The following PDE10A variants were observed in gnomAD, a reference collection of about 807,000 sequenced individuals.
PDE10A encodes phosphodiesterase 10A, also known as cAMP and cAMP-inhibited cGMP 3',5'-cyclic phosphodiesterase 10A.
A neutral mutation model predicts 97.7 loss-of-function variants in PDE10A; 39 were observed. The observed-to-expected ratio is 0.40, with a 90% CI of 0.31 to 0.52. PDE10A has a LOEUF of 0.52. Among genes scored for constraint, PDE10A ranks in the 20% least tolerant of loss-of-function variants. The pLI is 0.56. For synonymous variants in PDE10A, 371 were observed against 376.8 expected, an observed-to-expected ratio of 0.98 and a Z score of 0.18; for missense variants, 731 against 1,047.8, an observed-to-expected ratio of 0.70 and a Z score of 4.17.
chr6:165,328,443 A>C lies in PDE10A; in HGVS notation c.*4582T>G, dbSNP rs1454171989. 6.6e-6 allele frequency: 1 copy of C among 152,222 alleles called. No individual in the cohort carries two copies. The highest frequency in any genetic ancestry group is 1.9e-4 in the East Asian group (1 of 5,186). 9.4% of individuals were successfully genotyped at this position (152,222 alleles called of 1,614,324 possible). On this transcript the variant is annotated 3_prime_UTR_variant, in exon 22 of 22. Coordinates refer to ENST00000539869, the MANE Select transcript of PDE10A (RefSeq NM_001385079.1). ...GAGGAAAACTGAAATATGTAAACTG[A>C]CTTCCCTACTTAGTAAGCCCTGGAT...
intron 1 of PDE10A, chr6:165,987,397 C>G: frequency 3.2e-6 from 1 of 317,094 alleles, no homozygotes; most frequent in Non-Finnish European, 6.2e-6. Flanking sequence ...CACACGTTTT[C>G]TTATTGCCAA....
chr6:165,553,848 AT>A (rs1019536634), intron 1 of PDE10A, among the ~76,000 whole-genome samples: 5 of 152,198 alleles, frequency 3.3e-5, no homozygotes, highest in African/African-American at 1.2e-4. Context: ...GATGAAAAAC[AT>A]TTTTTGATAG....
At chr6:165,855,450 C>G (rs868497093) in intron 1 of PDE10A, among the ~76,000 whole-genome samples, 1 of 151,386 alleles carries the variant, frequency 6.6e-6, no homozygotes, top group Non-Finnish European at 1.5e-5. Context: ...TGAGTCTGCC[C>G]GGCCTGAGAT....
chr6:165,513,248 G>A (rs1781602363), intron 2 of PDE10A, among the ~76,000 whole-genome samples: 2 of 151,944 alleles, frequency 1.3e-5, no homozygotes, highest in East Asian at 1.9e-4. Flanking sequence ...AGTCTTTATA[G>A]TTATTGTTTA....
intron 1 of PDE10A, among the ~76,000 whole-genome samples, chr6:165,936,311 A>G (rs1419307923): frequency 6.6e-6 from 1 of 152,174 alleles, no homozygotes; most frequent in African/African-American, 2.4e-5. Context: ...AACCATGGAG[A>G]GAATGTGGAG....
intron 1 of PDE10A, among the ~76,000 whole-genome samples, chr6:165,888,041 T>C (rs145712661): frequency 6.6e-6 from 1 of 152,284 alleles, no homozygotes; most frequent in African/African-American, 2.4e-5. Flanking sequence ...ATGCTGGGGA[T>C]GCTCGCTCCT....
intron 2 of PDE10A, among the ~76,000 whole-genome samples, chr6:165,529,759 G>C (rs143463867): frequency 9.2e-5 from 14 of 152,170 alleles, no homozygotes; most frequent in South Asian, 2.1e-4. Context: ...TGCATCTCCT[G>C]TTGTACGAAG....
intron 17 of PDE10A, among the ~76,000 whole-genome samples, chr6:165,382,625 T>C (rs943804557): frequency 6.6e-6 from 1 of 152,154 alleles, no homozygotes; most frequent in Admixed American, 6.5e-5. Flanking sequence ...ACCTATCTCA[T>C]GGGGATATAA....
intron 10 of PDE10A, among the ~76,000 whole-genome samples, chr6:165,419,557 T>G (rs995218647): frequency 6.6e-6 from 1 of 152,234 alleles, no homozygotes; most frequent in Non-Finnish European, 1.5e-5. Flanking sequence ...CATGCTTTTA[T>G]AACAAATATG....
At chr6:165,364,392 AC>A (rs1379601671) in intron 18 of PDE10A, among the ~76,000 whole-genome samples, 1 of 152,178 alleles carries the variant, frequency 6.6e-6, no homozygotes, top group Non-Finnish European at 1.5e-5. Context: ...TCAAATTGAG[AC>A]ACTCAAACTG....
At chr6:165,964,130 C>T (rs1425325701) in intron 1 of PDE10A, among the ~76,000 whole-genome samples, 1 of 152,196 alleles carries the variant, frequency 6.6e-6, no homozygotes, top group African/African-American at 2.4e-5. Context: ...TACACTCTCC[C>T]TATAATATTT....
intron 1 of PDE10A, among the ~76,000 whole-genome samples, chr6:165,691,584 C>T (rs1038743347): frequency 1.6e-3 from 203 of 125,548 alleles, no homozygotes; most frequent in African/African-American, 7.7e-3. Flanking sequence ...CACGCATGCA[C>T]GCGCGCGCAC....
At chr6:165,554,441 T>G (rs1487083033) in intron 1 of PDE10A, among the ~76,000 whole-genome samples, 1 of 152,040 alleles carries the variant, frequency 6.6e-6, no homozygotes, top group Non-Finnish European at 1.5e-5. Context: ...ATCAGAGAAA[T>G]GCAAATCAAA....
At chr6:165,921,487 G>A (rs1445415650) in intron 1 of PDE10A, among the ~76,000 whole-genome samples, 1 of 152,238 alleles carries the variant, frequency 6.6e-6, no homozygotes, top group South Asian at 2.1e-4. Context: ...CATTTGATGT[G>A]TTAGAAGATG....
intron 1 of PDE10A, among the ~76,000 whole-genome samples, chr6:165,633,292 T>C (rs1788718314): frequency 6.6e-6 from 1 of 151,974 alleles, no homozygotes; most frequent in African/African-American, 2.4e-5. Flanking sequence ...CAAGAATCAA[T>C]AATAAAGGGG....
chr6:165,874,783 G>A (rs1781291766), intron 1 of PDE10A, among the ~76,000 whole-genome samples: 1 of 152,080 alleles, frequency 6.6e-6, no homozygotes, highest in Admixed American at 6.5e-5. Context: ...ATCCAGTATG[G>A]CGTAGTGGGT....
At chr6:165,825,564 G>A (rs1025661432) in intron 1 of PDE10A, among the ~76,000 whole-genome samples, 15 of 152,146 alleles carry the variant, frequency 9.9e-5, no homozygotes, top group African/African-American at 3.4e-4. Context: ...GCTCCTGCTG[G>A]GCCTCTCCAG....
intron 1 of PDE10A, among the ~76,000 whole-genome samples, chr6:165,939,222 C>T (rs376439649): frequency 6.6e-6 from 1 of 152,174 alleles, no homozygotes; most frequent in African/African-American, 2.4e-5. Flanking sequence ...CCTTTCTCTC[C>T]AAAACCTCTT....
chr6:165,596,091 A>G (rs1193220838), intron 1 of PDE10A, among the ~76,000 whole-genome samples: 3 of 151,380 alleles, frequency 2.0e-5, no homozygotes, highest in Non-Finnish European at 4.4e-5. Flanking sequence ...TTATGGTGGA[A>G]ACATCTGGCA....
Sources: gnomAD v4.1 joint callset for allele counts (sites outside exome capture counted in the v4.1 genomes callset) on GRCh38, gnomAD v4.1.1 for gene constraint, MANE v1.5 for transcripts, NCBI Gene and HGNC (gene_info 2026-07-23, HGNC 2026-07-21) for gene names.